The following FSTL4 variants were observed in gnomAD, a reference collection of about 807,000 sequenced individuals.
FSTL4 encodes follistatin like 4, also known as follistatin-related protein 4.
Under a neutral mutation model 78.2 loss-of-function variants are expected in FSTL4, and 28 were observed. The observed-to-expected ratio is 0.36, with a 90% CI of 0.27 to 0.49. The LOEUF (loss-of-function observed/expected upper bound fraction) is 0.49. Among genes scored for constraint, FSTL4 ranks in the 20% least tolerant of loss-of-function variants. The probability of loss-of-function intolerance (pLI) is 0.98; values close to 1 mark genes in which losing one functional copy is unlikely to be tolerated. For missense variants in FSTL4, 922 were observed against 1,084.9 expected (o/e 0.85, Z 2.11); for synonymous variants, 422 against 440.5 (o/e 0.96, Z 0.53).
At chr5:133,266,664 G>T (rs1279160640) in intron 6 of FSTL4, 1 of 152,302 alleles carries the variant, frequency 6.6e-6, no homozygotes. Context: ...ATTAAGGAGT[G>T]GGGGAGTCTG....
intron 3 of FSTL4, among the ~76,000 whole-genome samples, chr5:133,431,235 A>G (rs905657620): frequency 6.6e-6 from 1 of 152,212 alleles, no homozygotes; most frequent in Non-Finnish European, 1.5e-5. Flanking sequence ...GAACTGTGTT[A>G]CCACCTGTGG....
the FSTL4 span, among the ~76,000 whole-genome samples, chr5:133,692,539 T>A: frequency 1.3e-5 from 2 of 152,144 alleles, no homozygotes; most frequent in African/African-American, 2.4e-5. Flanking sequence ...GAGGCACAGC[T>A]TGCAAAGCAC....
chr5:133,624,916 G>A, the FSTL4 span, among the ~76,000 whole-genome samples: 3 of 151,518 alleles, frequency 2.0e-5, no homozygotes, highest in South Asian at 6.2e-4. Flanking sequence ...TGTTGAGTAT[G>A]TCTCTTCATT....
chr5:133,530,498 T>G (rs998493763), intron 3 of FSTL4, among the ~76,000 whole-genome samples: 3 of 152,218 alleles, frequency 2.0e-5, no homozygotes, highest in South Asian at 2.1e-4. Flanking sequence ...CTAGGTGCCT[T>G]GAAGACAAAG....
chr5:133,761,218 C>T, the FSTL4 span, among the ~76,000 whole-genome samples: 4 of 147,940 alleles, frequency 2.7e-5, no homozygotes, highest in African/African-American at 1.0e-4. Context: ...AAACCTAACA[C>T]AGTCAATAGT....
intron 3 of FSTL4, among the ~76,000 whole-genome samples, chr5:133,521,438 T>G (rs1758979633): frequency 6.6e-6 from 1 of 152,172 alleles, no homozygotes; most frequent in Non-Finnish European, 1.5e-5. Flanking sequence ...CACTTGCAGT[T>G]GGAAATCCTA....
rs1750193209 is a variant in FSTL4 at position 133,197,970 on chromosome 5, C to T, written c.*1125G>A. The T allele has an allele frequency of 6.5e-6, 1 of 152,780 alleles. No individual in the cohort carries two copies. Among genetic ancestry groups the T allele is most frequent in the Non-Finnish European group, 1.5e-5 (1 of 68,200 alleles). 9.5% of individuals were successfully genotyped at this position (152,780 alleles called of 1,614,324 possible). A position where few individuals can be genotyped will look rare whatever the true frequency, so the allele number is the denominator to read the frequency against. On this transcript the variant is annotated 3_prime_UTR_variant, in exon 16 of 16. Transcript: ENST00000265342. ...ATTGGGGAATGTGGGTAAGAAAACC[C>T]TCGCCGAAATGTGTTCTCTCTGCAG...
the FSTL4 span, among the ~76,000 whole-genome samples, chr5:133,751,359 T>C: frequency 2.0e-5 from 3 of 152,222 alleles, no homozygotes; most frequent in Non-Finnish European, 4.4e-5. Context: ...ACACAGTGTA[T>C]TTCAGCACCA....
At chr5:133,724,744 T>C in the FSTL4 span, among the ~76,000 whole-genome samples, 1 of 152,202 alleles carries the variant, frequency 6.6e-6, no homozygotes, top group Non-Finnish European at 1.5e-5. Context: ...TTAGTTTTAG[T>C]TTTATCATTT....
chr5:133,636,659 C>T, the FSTL4 span, among the ~76,000 whole-genome samples: 4 of 152,180 alleles, frequency 2.6e-5, no homozygotes, highest in African/African-American at 7.2e-5. Context: ...ATGTAAATTA[C>T]TCATTTAGTT....
At chr5:133,496,628 C>T (rs1473545646) in intron 3 of FSTL4, among the ~76,000 whole-genome samples, 3 of 152,202 alleles carry the variant, frequency 2.0e-5, no homozygotes, top group African/African-American at 7.2e-5. Flanking sequence ...CTCGCAGATG[C>T]CCCATGATGA....
chr5:133,618,803 G>A, the FSTL4 span, among the ~76,000 whole-genome samples: 1 of 152,206 alleles, frequency 6.6e-6, no homozygotes, highest in Admixed American at 6.5e-5. Flanking sequence ...GTTACACACT[G>A]TGTGTGTATA....
chr5:133,775,465 C>A, the FSTL4 span, among the ~76,000 whole-genome samples: 1 of 152,168 alleles, frequency 6.6e-6, no homozygotes, highest in Non-Finnish European at 1.5e-5. Flanking sequence ...AACAATTATT[C>A]AGCCCCGAAA....
intron 4 of FSTL4, among the ~76,000 whole-genome samples, chr5:133,362,853 A>T (rs1755101002): frequency 6.6e-6 from 1 of 152,254 alleles, no homozygotes; most frequent in Non-Finnish European, 1.5e-5. Flanking sequence ...ATTTTAACTC[A>T]TCAATTACTA....
intron 4 of FSTL4, among the ~76,000 whole-genome samples, chr5:133,394,160 TTGC>T (rs1755934149): frequency 6.6e-6 from 1 of 152,262 alleles, no homozygotes. Context: ...AATGAGAATG[TTGC>T]AGTAGCTTAT....
chr5:133,782,729 G>C, the FSTL4 span, among the ~76,000 whole-genome samples: 25 of 152,292 alleles, frequency 1.6e-4, no homozygotes, highest in South Asian at 2.1e-3. Flanking sequence ...CTGTAGAGCC[G>C]GTTAGTATTT....
the FSTL4 span, among the ~76,000 whole-genome samples, chr5:133,673,826 G>C: frequency 6.6e-6 from 1 of 152,136 alleles, no homozygotes; most frequent in Admixed American, 6.5e-5. Flanking sequence ...GATAGGGGCT[G>C]TAATGGAGGG....
At chr5:133,817,380 T>C in the FSTL4 span, among the ~76,000 whole-genome samples, 1 of 152,196 alleles carries the variant, frequency 6.6e-6, no homozygotes, top group Admixed American at 6.5e-5. Context: ...TTCTAGGTCC[T>C]TCAAATAGAG....
intron 13 of FSTL4, among the ~76,000 whole-genome samples, chr5:133,212,774 T>C (rs1028887977): frequency 1.3e-5 from 2 of 152,154 alleles, no homozygotes; most frequent in Non-Finnish European, 2.9e-5. Flanking sequence ...GAAATACACA[T>C]ATTCTTTGTA....
Sources: allele counts gnomAD v4.1 joint callset (sites outside exome capture counted in the v4.1 genomes callset), GRCh38; gene constraint gnomAD v4.1.1; transcripts MANE v1.5; gene names NCBI Gene and HGNC (gene_info 2026-07-23, HGNC 2026-07-21).